Variants in GZMB observed in about 807,000 individuals in gnomAD.
The protein encoded by GZMB is granzyme B.
A neutral mutation model predicts 24.2 loss-of-function variants in GZMB; 27 were observed. The ratio of observed to expected loss-of-function variants is 1.12; its 90% CI spans 0.82 to 1.54. The LOEUF (loss-of-function observed/expected upper bound fraction) is 1.54, where lower values mean the gene tolerates loss of function less well. Among genes scored for constraint, GZMB ranks in the 40% most tolerant of loss-of-function variants. The pLI is 0.00. For synonymous variants in GZMB, 121 were observed against 115.1 expected, an observed-to-expected ratio of 1.05 and a Z score of -0.33; for missense variants, 336 against 310.1, an observed-to-expected ratio of 1.08 and a Z score of -0.63.
In GZMB at chr14:24,632,943, C is replaced by T. The variant is rs769831969; in HGVS notation, c.175G>A (p.Val59Met). 2.4e-5 allele frequency: 38 copies of T among 1,613,130 alleles called. No individual in the cohort carries two copies. The Admixed American group carries it at 2.5e-4, about 11-fold the overall frequency. ...CCCCAACAGTGAGCAGCTGTCAGCA[C>T]GAAGTCGTCTCGTATCAGGAAGCCA... is the stretch of plus-strand genomic sequence containing the variant. ...CGGFLIRDDF[V>M]LTAAHCWGSS... Residue 59 changes from valine to methionine, a missense_variant, in exon 2 of 5, where the codon GTG becomes ATG. Transcript: ENST00000216341.
intron 1 of GZMB, 61 bp downstream of exon 1, chr14:24,634,045 A>G (rs2067021050): frequency 1.4e-6 from 2 of 1,394,744 alleles, no homozygotes. Flanking sequence ...AGGAATGTGG[A>G]GAAAGGGCAG....
intron 1 of GZMB, chr14:24,633,310 G>T (rs2067015227): frequency 1.0e-6 from 1 of 985,050 alleles, no homozygotes; most frequent in African/African-American, 1.7e-5. Context: ...AATCCCAGAG[G>T]CTCCTGATCA....
Position 24,630,981 on chromosome 14 carries a change from T to C in GZMB, c.*90A>G. Reference sequence around the variant, plus strand: ...TTCCACTCAGCTAAGAGGTATTTATTCAGTTGCTGGCACCTCTCCCAGTGT... The same window carrying C: ...TTCCACTCAGCTAAGAGGTATTTATCCAGTTGCTGGCACCTCTCCCAGTGT... On this transcript the variant is annotated 3_prime_UTR_variant, in exon 5 of 5. Transcript: ENST00000216341. 1.1e-6 allele frequency: 1 copy of C among 951,622 alleles called. No individual in the cohort carries two copies. Among genetic ancestry groups the C allele is most frequent in the African/African-American group, 1.6e-5 (1 of 61,504 alleles). The allele number at this position is 951,622 out of a possible 1,614,324, so 58.9% of individuals were successfully genotyped here. A position where few individuals can be genotyped will look rare whatever the true frequency, so the allele number is the denominator to read the frequency against.
intron 2 of GZMB, chr14:24,632,663 G>A: frequency 1.1e-6 from 1 of 876,122 alleles, no homozygotes; most frequent in South Asian, 1.4e-5. Context: ...AATTGCTTCA[G>A]TTTGTATTCT....
At chr14:24,633,216 A>G (rs2067014516) in intron 1 of GZMB, 154 bp from the exon 2 acceptor site, 1 of 1,437,842 alleles carries the variant, frequency 7.0e-7, no homozygotes, top group African/African-American at 1.4e-5. Context: ...CTGCTCTGAA[A>G]AAGGGAAGAA....
At position 24,632,413 on chromosome 14, in the gene GZMB, G is replaced by T. The variant is rs769013244; in HGVS notation, c.250C>A (p.Pro84Thr). ...LGAHNIKEQE[P>T]TQQFIPVKRP... ...TTCACAGGGATAAACTGCTGGGTCG[G>T]CTCCTGTTCTTTGATATTGTGGGCC... Residue 84 changes from proline to threonine, a missense_variant, in exon 3 of 5, where the codon CCG (proline) becomes ACG (threonine). By Grantham distance (38) the Pro-to-Thr change is conservative. Transcript: ENST00000216341. 2 of 1,613,524 alleles carry T rather than the reference G, an allele frequency of 1.2e-6. No individual in the cohort carries two copies. The highest frequency in any genetic ancestry group is 2.2e-5 in the South Asian group (2 of 91,030).
chr14:24,631,730 C>G (rs1181755893), intron 4 of GZMB, 128 bp downstream of exon 4: 7 of 828,794 alleles, frequency 8.4e-6, no homozygotes, highest in Admixed American at 2.0e-5. Flanking sequence ...GTCCCCTCTT[C>G]TCTTTCCAGA....
Position 24,632,896 on chromosome 14 carries a change from G to A in GZMB, c.203+19C>T. 6.2e-7 allele frequency: 1 copy of A among 1,605,312 alleles called. No individual in the cohort carries two copies. Among genetic ancestry groups the A allele is most frequent in the Non-Finnish European group, 8.5e-7 (1 of 1,174,202 alleles). On this transcript the variant is annotated intron_variant, in intron 2 of 4. Coordinates refer to ENST00000216341, the MANE Select transcript of GZMB (RefSeq NM_004131.6). Reference sequence around the variant, plus strand: ...GTGGAGTGTTTCCAGGAGGGTGTGGGCTGTTTTCTGCTCCTCACCTTCCCC... The same window carrying A: ...GTGGAGTGTTTCCAGGAGGGTGTGGACTGTTTTCTGCTCCTCACCTTCCCC...
rs780010365 is a variant in GZMB, at chr14:24,632,116, C to T, written c.342G>A (p.Leu114=). ...CTCTGGTCCGCTTGGCCTTTCTCTC[C>T]AGCTGGTGGGGAAGAGGCAAGAAAG... is the stretch of plus-strand genomic sequence containing the variant. ...NFSNDIMLLQ[L]ERKAKRTRAV... Residue 114 remains leucine (L), a splice_region_variant and synonymous_variant, in exon 4 of 5, where the codon CTG becomes CTA. Coordinates refer to ENST00000216341, the MANE Select transcript of GZMB (RefSeq NM_004131.6). 5.6e-6 allele frequency: 9 copies of T among 1,613,118 alleles called. No homozygotes were observed. Among genetic ancestry groups the T allele is most frequent in the Non-Finnish European group, 1.7e-6 (2 of 1,179,392 alleles).
Position 24,631,010 on chromosome 14 carries a change from T to A in GZMB, c.*61A>T. On this transcript the variant is annotated 3_prime_UTR_variant, in exon 5 of 5. Transcript: ENST00000216341. ...TTGCTGGCACCTCTCCCAGTGTAAA[T>A]CTGGACTTGGCTCCAGAGAAGGTGT... is the stretch of plus-strand genomic sequence containing the variant. 1.5e-6 allele frequency: 2 copies of A among 1,323,110 alleles called. No individual in the cohort carries two copies. The highest frequency in any genetic ancestry group is 2.4e-5 in the South Asian group (2 of 83,450). The allele number at this position is 1,323,110 out of a possible 1,614,324, so 82.0% of individuals were successfully genotyped here.
Position 24,631,126 on chromosome 14 carries a change from C to T in GZMB, c.689G>A (p.Cys230Tyr). The T allele has an allele frequency of 1.2e-6, 2 of 1,613,238 alleles. No homozygotes were observed. The highest frequency in any genetic ancestry group is 1.7e-6 in the Non-Finnish European group (2 of 1,179,200). ...GTGTACAAAGCTTGAGACTTTGGTG[C>T]AGGCTCGTGGAGGCATGCCATTGTT... ...GRNNGMPPRA[C>Y]TKVSSFVHWI... Residue 230 changes from cysteine to tyrosine, a missense_variant, in exon 5 of 5, where the codon TGC becomes TAC. Transcript: ENST00000216341.
In GZMB at chr14:24,631,500, T is replaced by C. The variant is rs935508167; in HGVS notation, c.601-286A>G. ...GGACCCAGAAGTGGGCAAGGAGGGC[T>C]GATGTCCACCATGGAGGACCAGCCC... On this transcript the variant is annotated intron_variant, in intron 4 of 4. Transcript: ENST00000216341. The C allele has an allele frequency of 1.1e-5, 6 of 545,060 alleles. No homozygotes were observed. In the Admixed American group the frequency reaches 1.6e-4, roughly 15 times the overall value. 33.8% of individuals were successfully genotyped at this position (545,060 alleles called of 1,614,324 possible).
In GZMB at chr14:24,632,927, T is replaced by A; in HGVS notation, c.191A>T (p.His64Leu). ...TTCTGCTCCTCACCTTCCCCAACAG[T>A]GAGCAGCTGTCAGCACGAAGTCGTC... ...IRDDFVLTAA[H>L]CWGSSINVTL... is the part of the protein sequence containing the mutation. Residue 64 changes from histidine to leucine, a missense_variant, in exon 2 of 5, where the codon CAC becomes CTC. Transcript: ENST00000216341. 2 of 1,612,212 alleles carry A rather than the reference T, an allele frequency of 1.2e-6. No homozygotes were observed. Among genetic ancestry groups the A allele is most frequent in the Non-Finnish European group, 1.7e-6 (2 of 1,178,976 alleles).
chr14:24,634,124 G>A lies in GZMB; in HGVS notation c.37C>T (p.Leu13=). The A allele has an allele frequency of 1.3e-6, 2 of 1,594,966 alleles. No individual in the cohort carries two copies. The highest frequency in any genetic ancestry group is 1.7e-6 in the Non-Finnish European group (2 of 1,171,992). Residue 13 remains leucine, a synonymous_variant, in exon 1 of 5, where the codon CTG becomes TTG. Transcript: ENST00000216341. ...PILLLLAFLL[L]PRADAGEIIG... is the part of the protein sequence containing the mutation. The stretch of plus-strand genomic sequence containing the variant: ...CACTCACCTGCATCTGCCCTGGGCA[G>A]CAGGAGGAAGGCCAGCAGAAGCAGG...
At chr14:24,631,354 C>T (rs969674943) in intron 4 of GZMB, 140 bp from the exon 5 acceptor site, 1 of 664,516 alleles carries the variant, frequency 1.5e-6, no homozygotes, top group East Asian at 2.7e-5. Context: ...CCGCTGGTGG[C>T]CCCCAGCTGC....
chr14:24,633,545 C>T (rs1045295323), intron 1 of GZMB, among the ~76,000 whole-genome samples: 1 of 152,116 alleles, frequency 6.6e-6, no homozygotes, highest in Admixed American at 6.6e-5. Context: ...GCTGGTAGAG[C>T]AGTGCTGGTG....
Position 24,632,117 on chromosome 14 carries a change from A to T in GZMB, c.341T>A (p.Leu114Gln), listed in dbSNP as rs1448069716. 6.2e-7 allele frequency: 1 copy of T among 1,613,100 alleles called. No homozygotes were observed. Among genetic ancestry groups the T allele is most frequent in the Non-Finnish European group, 8.5e-7 (1 of 1,179,388 alleles). The stretch of plus-strand genomic sequence containing the variant: ...TCTGGTCCGCTTGGCCTTTCTCTCC[A>T]GCTGGTGGGGAAGAGGCAAGAAAGT... ...NFSNDIMLLQLERKAKRTRAV... is the reference protein window; with the variant it reads ...NFSNDIMLLQQERKAKRTRAV... The change falls in exon 4 of 5, where the codon CTG (leucine) becomes CAG (glutamine). Residue 114 changes from leucine to glutamine, a missense_variant and splice_region_variant. Leu to Gln is a moderately radical substitution (Grantham distance 113, BLOSUM62 -2). Coordinates refer to ENST00000216341, the MANE Select transcript of GZMB (RefSeq NM_004131.6).
At chr14:24,633,189 G>A (rs1411323316) in intron 1 of GZMB, 127 bp from the exon 2 acceptor site, 13 of 1,458,120 alleles carry the variant, frequency 8.9e-6, no homozygotes, top group South Asian at 1.7e-5. Context: ...TGGCCTGGAG[G>A]AAGGGGCTTC....
rs745798602 is a variant in GZMB, at chr14:24,632,029, A to C, written c.429T>G (p.Ser143Arg). ...GGGCCGTCTGCCCCCAGCCGGCCAC[A>C]CTGCATGTCTGCCCTGGCTTCACCT... is the stretch of plus-strand genomic sequence containing the variant. ...KAQVKPGQTC[S>R]VAGWGQTAPL... is the part of the protein sequence containing the mutation. Residue 143 changes from serine to arginine, a missense_variant, in exon 4 of 5, where the codon AGT (serine) becomes AGG (arginine). Transcript: ENST00000216341. 12 of 1,614,214 alleles carry C rather than the reference A, an allele frequency of 7.4e-6. No individual in the cohort carries two copies. The highest frequency in any genetic ancestry group is 2.2e-5 in the East Asian group (1 of 44,882).
Sources: gnomAD v4.1 joint callset for allele counts (sites outside exome capture counted in the v4.1 genomes callset) on GRCh38, gnomAD v4.1.1 for gene constraint, MANE v1.5 for transcripts, NCBI Gene and HGNC (gene_info 2026-07-23, HGNC 2026-07-21) for gene names.